USP34: variants seen among roughly 807,000 people sequenced by gnomAD.
USP34 encodes ubiquitin specific peptidase 34.
A neutral mutation model predicts 460.3 loss-of-function variants in USP34; 70 were observed. The ratio of observed to expected loss-of-function variants is 0.15; its 90% CI spans 0.13 to 0.19. The LOEUF (loss-of-function observed/expected upper bound fraction) is 0.19. USP34 is among the 10% of genes least tolerant of loss of function. The pLI is 1.00. For missense variants in USP34, 3,985 were observed against 4,236.2 expected (o/e 0.94, Z 1.65); for synonymous variants, 1,647 against 1,405.3 (o/e 1.17, Z -3.85).
At chr2:61,381,517 A>G (rs778153) in intron 6 of USP34, among the ~76,000 whole-genome samples, 78,128 of 151,720 alleles carry the variant, frequency 0.51, 20,432 homozygotes, top group South Asian at 0.73. Context: ...TTTCTTCTGC[A>G]CAGAGATGGA....
chr2:61,424,801 T>A (rs1174592319), intron 1 of USP34, among the ~76,000 whole-genome samples: 1 of 151,450 alleles, frequency 6.6e-6, no homozygotes, highest in Non-Finnish European at 1.5e-5. Context: ...TTAAAGGAGT[T>A]CAGGAAATCC....
At chr2:61,430,994 C>A (rs1029730264) in intron 1 of USP34, among the ~76,000 whole-genome samples, 2 of 151,612 alleles carry the variant, frequency 1.3e-5, no homozygotes, top group African/African-American at 4.9e-5. Flanking sequence ...GCAACAAGAC[C>A]CCTATTCTTT....
At chr2:61,314,559 T>C (rs756667066) in intron 25 of USP34, 26 bp downstream of exon 25, 2 of 1,452,444 alleles carry the variant, frequency 1.4e-6, no homozygotes, top group South Asian at 1.7e-5. Context: ...AAATTCATTC[T>C]AACAGTGTGA....
rs539488297 is a variant in USP34, at chr2:61,318,963, A to G, written c.3168+210T>C. 2.8e-4 allele frequency among the ~76,000 whole-genome samples: 42 copies of G among 152,310 alleles called. No homozygotes were observed. The South Asian group carries it at 8.7e-3, about 32-fold the overall frequency. On this transcript the variant is annotated intron_variant, in intron 22 of 79. Coordinates refer to ENST00000398571, the MANE Select transcript of USP34 (RefSeq NM_014709.4). ...ATTGTAGCTAATAGAACATTTTTAT[A>G]AATATAAACTATTAATTTAGAGGTA...
chr2:61,435,836 CT>C (rs1694797719), intron 1 of USP34, among the ~76,000 whole-genome samples: 1 of 151,982 alleles, frequency 6.6e-6, no homozygotes, highest in African/African-American at 2.4e-5. Flanking sequence ...CGAGACCAGC[CT>C]GGCCAATATA....
At chr2:61,264,264 T>G (rs941141326) in intron 43 of USP34, among the ~76,000 whole-genome samples, 5 of 151,964 alleles carry the variant, frequency 3.3e-5, no homozygotes, top group Admixed American at 3.3e-4. Flanking sequence ...AAGAGTAACT[T>G]AAACATAATA....
chr2:61,318,122 G>A (rs1161952097), intron 22 of USP34, among the ~76,000 whole-genome samples: 3 of 149,982 alleles, frequency 2.0e-5, no homozygotes, highest in Non-Finnish European at 3.0e-5. Flanking sequence ...GAGCCTGGGA[G>A]GTCAAGGCTA....
rs1687110623 is a variant in USP34, at chr2:61,206,095, C to T, written c.9076G>A (p.Glu3026Lys). Residue 3026 changes from glutamate (E) to lysine (K), a missense_variant, in exon 72 of 80, where the codon GAG becomes AAG. Around this residue, in one of 14 missense-constraint regions of USP34, gnomAD observed 275 missense variants for 292.7 expected, o/e 0.94. Transcript: ENST00000398571. ...DVKQALIQWQ[E>K]RIEFAHKLLT... The stretch of plus-strand genomic sequence containing the variant: ...AGTTTATGGGCAAATTCAATTCGCT[C>T]CTGCCACTGGATTAATGCTTGTTTC... The T allele has an allele frequency of 6.2e-7, 1 of 1,613,570 alleles. No individual in the cohort carries two copies.
chr2:61,424,365 C>T (rs1694448407), intron 1 of USP34, among the ~76,000 whole-genome samples: 1 of 152,202 alleles, frequency 6.6e-6, no homozygotes, highest in African/African-American at 2.4e-5. Context: ...CACTGTCCTA[C>T]ACTAGGTCCA....
chr2:61,381,678 T>C (rs1430206447), intron 6 of USP34, among the ~76,000 whole-genome samples: 2 of 152,184 alleles, frequency 1.3e-5, no homozygotes, highest in African/African-American at 4.8e-5. Flanking sequence ...GATGTTTTCT[T>C]ACACAGCAAA....
intron 74 of USP34, 48 bp downstream of exon 74, chr2:61,204,208 A>T (rs1343155152): frequency 6.2e-7 from 1 of 1,605,046 alleles, no homozygotes; most frequent in South Asian, 1.1e-5. Flanking sequence ...AAAATTTCAA[A>T]TTACTTTGTA....
chr2:61,265,229 C>A (rs1689012926), intron 43 of USP34, 168 bp downstream of exon 43: 1 of 734,846 alleles, frequency 1.4e-6, no homozygotes, highest in Non-Finnish European at 2.2e-6. Flanking sequence ...GAGTAATCTA[C>A]TAAAATGTAT....
chr2:61,306,955 C>G (rs1368799682), intron 27 of USP34, among the ~76,000 whole-genome samples: 3 of 152,032 alleles, frequency 2.0e-5, no homozygotes. Flanking sequence ...CCCAGCCATC[C>G]CATTACTAGG....
rs1487039151 is a variant in USP34 at position 61,294,983 on chromosome 2, T to C, written c.4427A>G (p.Gln1476Arg). ...YPDSDDSSED[Q>R]VENSKNSWSC... ...CCAGGAATTTTTACTATTTTCCACT[T>C]GATCTTCACTTGAATCATCTGAATC... The change falls in exon 32 of 80, where the codon CAA becomes CGA. Residue 1476 changes from glutamine to arginine, a missense_variant. Coordinates refer to ENST00000398571, the MANE Select transcript of USP34 (RefSeq NM_014709.4). The C allele has an allele frequency of 1.2e-6, 2 of 1,613,034 alleles. No homozygotes were observed. The highest frequency in any genetic ancestry group is 2.2e-5 in the East Asian group (1 of 44,772).
chr2:61,379,111 T>A (rs1343891631), intron 7 of USP34, among the ~76,000 whole-genome samples: 3 of 152,152 alleles, frequency 2.0e-5, no homozygotes, highest in Admixed American at 6.5e-5. Context: ...AGATTTAATT[T>A]ATCTGGGACA....
chr2:61,276,745 T>A (rs1689384196), intron 41 of USP34, among the ~76,000 whole-genome samples: 1 of 152,182 alleles, frequency 6.6e-6, no homozygotes, highest in African/African-American at 2.4e-5. Flanking sequence ...CCAGTGAGTC[T>A]AATGGAAAAG....
At chr2:61,450,230 T>C (rs1159976953) in intron 1 of USP34, among the ~76,000 whole-genome samples, 1 of 152,092 alleles carries the variant, frequency 6.6e-6, no homozygotes, top group African/African-American at 2.4e-5. Flanking sequence ...AGGTTCAGAA[T>C]AGGCAAATAT....
Position 61,246,315 on chromosome 2 carries a change from A to G in USP34, c.6548+9T>C. On this transcript the variant is annotated intron_variant, in intron 50 of 79. Coordinates refer to ENST00000398571, the MANE Select transcript of USP34 (RefSeq NM_014709.4). ...TTGTTAAAGAAGTTTTGAAATATTT[A>G]AAACTCACCATTTATTGTTTTTATA... 6.5e-7 allele frequency: 1 copy of G among 1,529,248 alleles called. No individual in the cohort carries two copies. Among genetic ancestry groups the G allele is most frequent in the Non-Finnish European group, 8.8e-7 (1 of 1,133,052 alleles). 94.7% of individuals were successfully genotyped at this position (1,529,248 alleles called of 1,614,324 possible).
rs1218693025 is a variant in USP34, at chr2:61,228,700, A to C, written c.7388T>G (p.Leu2463Trp). 1 of 1,611,108 alleles carries C rather than the reference A, an allele frequency of 6.2e-7. No individual in the cohort carries two copies. The highest frequency in any genetic ancestry group is 2.2e-5 in the East Asian group (1 of 44,830). ...ATGTACCATTGTAGATATAGCTTGC[A>C]ATGAAAGCAAAAATTGGCTCTAAAC... Reference protein sequence around the residue: ...GEEESQFLLSLQAISTMVHFY... With the variant: ...GEEESQFLLSWQAISTMVHFY... Residue 2463 changes from leucine (L) to tryptophan (W), a missense_variant, in exon 61 of 80, where the codon TTG becomes TGG. Physicochemically the swap from Leu to Trp is moderately conservative, Grantham distance 61. Transcript: ENST00000398571.
Sources: gnomAD v4.1 joint callset for allele counts (sites outside exome capture counted in the v4.1 genomes callset) on GRCh38, gnomAD v4.1.1 for gene constraint, gnomAD v4.1.1 regional missense constraint, MANE v1.5 for transcripts, NCBI Gene and HGNC (gene_info 2026-07-23, HGNC 2026-07-21) for gene names.